Variants in ANKRD11 observed in about 807,000 individuals in gnomAD.
The protein encoded by ANKRD11 is ankyrin repeat domain 11, also known as ankyrin repeat domain-containing protein 11.
In ANKRD11, 17 loss-of-function variants were observed where a neutral mutation model predicts 195.7. The ratio of observed to expected loss-of-function variants is 0.09; its 90% confidence interval spans 0.06 to 0.13. ANKRD11 has a LOEUF of 0.13. Ranked by LOEUF, ANKRD11 falls within the 10% of genes least tolerant of loss-of-function variation. The pLI, the probability that ANKRD11 is intolerant of heterozygous loss-of-function variation, is 1.00. For synonymous variants in ANKRD11, 1,953 were observed against 1,528.1 expected, an observed-to-expected ratio of 1.28 and a Z score of -6.49; for missense variants, 3,735 against 3,566.1, an observed-to-expected ratio of 1.05 and a Z score of -1.21.
chr16:89,432,992 T>A (rs1355403383), intron 1 of ANKRD11, among the ~76,000 whole-genome samples: 6 of 137,584 alleles, frequency 4.4e-5, no homozygotes, highest in Admixed American at 1.4e-4. Context: ...CTCTCTCTCC[T>A]CTCTCTCACA....
chr16:89,335,129 C>A (rs2038281052), intron 2 of ANKRD11, among the ~76,000 whole-genome samples: 1 of 152,194 alleles, frequency 6.6e-6, no homozygotes, highest in Non-Finnish European at 1.5e-5. Flanking sequence ...TCAGGACACA[C>A]CCTGATGCCC....
intron 2 of ANKRD11, among the ~76,000 whole-genome samples, chr16:89,372,554 T>C (rs2040240759): frequency 6.6e-6 from 1 of 152,144 alleles, no homozygotes; most frequent in South Asian, 2.1e-4. Flanking sequence ...TAAAACAAGA[T>C]GATGTTGGAG....
intron 1 of ANKRD11, chr16:89,420,568 G>C (rs905357245): frequency 2.3e-4 from 35 of 152,338 alleles, no homozygotes; most frequent in African/African-American, 7.9e-4. Context: ...TTGTCTTAGG[G>C]TCCCACAGGG....
chr16:89,281,598 TGGA>T lies in ANKRD11; in HGVS notation c.4941_4943del (p.Pro1648del). The T allele has an allele frequency of 6.2e-7, 1 of 1,614,204 alleles. No individual in the cohort carries two copies. Among genetic ancestry groups the T allele is most frequent in the Non-Finnish European group, 8.5e-7 (1 of 1,180,028 alleles). ...ACTCTTTGAGCTTTTTGTCTTTAAA[TGGA>T]GGGTCCAGCCCCGGCGGTTTCTTAG... On this transcript the variant is annotated inframe_deletion, in exon 9 of 13. Coordinates refer to ENST00000301030, the MANE Select transcript of ANKRD11 (RefSeq NM_013275.6). The surrounding 1 kb of genome is among the most constrained non-coding windows in gnomAD (Gnocchi z 5.5).
Position 89,351,933 on chromosome 16 carries a change from G to A in ANKRD11, c.-59-34855C>T, listed in dbSNP as rs189491267. On this transcript the variant is annotated intron_variant, in intron 2 of 12. Coordinates refer to ENST00000301030, the MANE Select transcript of ANKRD11 (RefSeq NM_013275.6). Reference sequence around the variant, plus strand: ...AAGCTGGTATTATCTCTTTTTTGGAGACAGTCTCACTCTGTCGCCCAGGAT... The same window carrying A: ...AAGCTGGTATTATCTCTTTTTTGGAAACAGTCTCACTCTGTCGCCCAGGAT... Among the ~76,000 whole-genome samples the A allele has an allele frequency of 9.3e-4, 142 of 152,232 alleles. 1 individual carries two copies. Among genetic ancestry groups the A allele is most frequent in the East Asian group, 1.9e-3 (10 of 5,182 alleles).
rs776041550 is a variant in ANKRD11, at chr16:89,268,668, G to A, written c.7807-5C>T. On this transcript the variant is annotated splice_region_variant and splice_polypyrimidine_tract_variant and intron_variant, in intron 12 of 12. Transcript: ENST00000301030. The stretch of plus-strand genomic sequence containing the variant: ...CTGCCGCATGAGGAGGCAAGTCTGC[G>A]GGACACACAGCGGGGAGAGGAGGGA... 19 of 1,582,392 alleles carry A rather than the reference G, an allele frequency of 1.2e-5. No homozygotes were observed. The Admixed American group carries it at 1.9e-4, about 15-fold the overall frequency.
chr16:89,434,563 C>T (rs969974331), intron 1 of ANKRD11, among the ~76,000 whole-genome samples: 2 of 152,194 alleles, frequency 1.3e-5, no homozygotes, highest in Non-Finnish European at 2.9e-5. Flanking sequence ...CAGAAGCATG[C>T]GGCTGGTCAG....
At chr16:89,348,514 T>A (rs925580356) in intron 2 of ANKRD11, among the ~76,000 whole-genome samples, 3 of 152,224 alleles carry the variant, frequency 2.0e-5, no homozygotes, top group Non-Finnish European at 4.4e-5. Context: ...GGCTTCTATA[T>A]AACTGACTTT....
intron 1 of ANKRD11, among the ~76,000 whole-genome samples, chr16:89,451,785 C>G (rs1014453399): frequency 6.6e-6 from 1 of 151,878 alleles, no homozygotes; most frequent in African/African-American, 2.4e-5. Context: ...TACAATGCAT[C>G]AATTTATGAC....
chr16:89,286,262 C>T (rs1185469155), intron 7 of ANKRD11, 76 bp from the exon 8 acceptor site: 4 of 1,589,818 alleles, frequency 2.5e-6, no homozygotes, highest in Middle Eastern at 2.1e-4. Context: ...AACACGGCAG[C>T]CCCTTCCGAG....
rs1024147867 is a variant in ANKRD11, at chr16:89,293,445, C to T, written c.227-2262G>A. Among the ~76,000 whole-genome samples the T allele has an allele frequency of 3.0e-4, 44 of 146,688 alleles. 1 individual carries two copies. The highest frequency in any genetic ancestry group is 1.1e-3 in the African/African-American group (42 of 39,280). ...AGGAGCTGGGGCAGAGTTGGGGTTG[C>T]GGAGGGAGGAGCTGGGGCAGAGTTG... is the stretch of plus-strand genomic sequence containing the variant. On this transcript the variant is annotated intron_variant, in intron 4 of 12. Transcript: ENST00000301030.
Position 89,347,567 on chromosome 16 carries a change from C to T in ANKRD11, c.-59-30489G>A, listed in dbSNP as rs1327207888. On this transcript the variant is annotated intron_variant, in intron 2 of 12. Transcript: ENST00000301030. ...TGGAGGTTGCAGCGAGCCAAGATCA[C>T]GCCACTGCATTCCAGCCTGGGCGAC... Among the ~76,000 whole-genome samples the T allele has an allele frequency of 2.7e-5, 4 of 148,882 alleles. No homozygotes were observed. The Admixed American group carries it at 2.7e-4, about 10-fold the overall frequency.
At chr16:89,466,112 A>G (rs1363837846) in intron 1 of ANKRD11, among the ~76,000 whole-genome samples, 2 of 152,224 alleles carry the variant, frequency 1.3e-5, no homozygotes, top group Non-Finnish European at 2.9e-5. Flanking sequence ...AGATGCTGGC[A>G]GAACCTGCTG....
rs1418771103 is a variant in ANKRD11, at chr16:89,280,333, T to C, written c.6209A>G (p.Lys2070Arg). 2.5e-6 allele frequency: 4 copies of C among 1,580,438 alleles called. No homozygotes were observed. Among genetic ancestry groups the C allele is most frequent in the Non-Finnish European group, 3.4e-6 (4 of 1,163,288 alleles). The change falls in exon 9 of 13, where the codon AAG becomes AGG. Residue 2070 changes from lysine to arginine, a missense_variant. Transcript: ENST00000301030. ...SGLESFFSNC[K>R]SLPEAPLDVA... ...GTCCAGCGGGGCTTCCGGAAGTGAC[T>C]TGCAGTTGCTGAAGAAGGACTCCAG...
At chr16:89,475,998 G>A (rs1304670688) in intron 1 of ANKRD11, among the ~76,000 whole-genome samples, 1 of 150,856 alleles carries the variant, frequency 6.6e-6, no homozygotes, top group Non-Finnish European at 1.5e-5. Context: ...GTTGCAGGGA[G>A]CCAAGATCAC....
intron 6 of ANKRD11, among the ~76,000 whole-genome samples, chr16:89,290,201 G>A (rs886208277): frequency 1.2e-4 from 18 of 152,246 alleles, no homozygotes; most frequent in African/African-American, 4.3e-4. Context: ...CATCCAACCC[G>A]ATGGGAGGCT....
At chr16:89,307,341 C>T (rs1485713189) in intron 3 of ANKRD11, among the ~76,000 whole-genome samples, 1 of 152,200 alleles carries the variant, frequency 6.6e-6, no homozygotes. Flanking sequence ...ATCCACCAAA[C>T]GTGCATCCAC....
intron 1 of ANKRD11, among the ~76,000 whole-genome samples, chr16:89,435,933 C>G (rs544760164): frequency 1.3e-5 from 2 of 152,100 alleles, no homozygotes; most frequent in Non-Finnish European, 2.9e-5. Flanking sequence ...TCTAAATCAC[C>G]GCAAGTTTCA....
At chr16:89,278,659 G>T (rs567886990) in intron 9 of ANKRD11, 28 of 467,318 alleles carry the variant, frequency 6.0e-5, no homozygotes, top group South Asian at 4.3e-4. Context: ...TGGAGGCTCA[G>T]GGAACCCACG....
Sources: gnomAD v4.1 joint callset for allele counts (sites outside exome capture counted in the v4.1 genomes callset) on GRCh38, gnomAD v4.1.1 for gene constraint, Gnocchi (gnomAD v3.1) non-coding constraint, MANE v1.5 for transcripts, NCBI Gene and HGNC (gene_info 2026-07-23, HGNC 2026-07-21) for gene names.